Variants in DHRSX observed in about 807,000 individuals in gnomAD.
DHRSX encodes the protein polyprenol dehydrogenase.
Under a neutral mutation model 34.0 loss-of-function variants are expected in DHRSX, and 31 were observed. The ratio of observed to expected loss-of-function variants is 0.91; its 90% CI spans 0.69 to 1.23. DHRSX has a LOEUF of 1.23. Ranked by LOEUF, DHRSX falls within the 50% of genes most tolerant of loss-of-function variation. DHRSX has a pLI of 0.00. For missense variants in DHRSX, 414 were observed against 428.1 expected, an observed-to-expected ratio of 0.97 and a Z score of 0.29; for synonymous variants, 201 against 183.8, an observed-to-expected ratio of 1.09 and a Z score of -0.76.
At chrX:2,266,139 C>T (rs1183188742) in intron 5 of DHRSX, among the ~76,000 whole-genome samples, 2 of 146,608 alleles carry the variant, frequency 1.4e-5, no homozygotes, top group African/African-American at 5.1e-5. Flanking sequence ...ACAGGGAGCA[C>T]TGTACCCAGA....
At chrX:2,478,004 C>T (rs1255451752) in intron 1 of DHRSX, among the ~76,000 whole-genome samples, 64 of 152,220 alleles carry the variant, frequency 4.2e-4, no homozygotes, top group Admixed American at 4.1e-3. Flanking sequence ...CACTAGAAGT[C>T]TCTGATAGGA....
At chrX:2,477,306 C>T (rs189136202) in intron 1 of DHRSX, among the ~76,000 whole-genome samples, 2 of 152,130 alleles carry the variant, frequency 1.3e-5, no homozygotes, top group Non-Finnish European at 2.9e-5. Flanking sequence ...TGTTCACAGC[C>T]GTGATTAAGG....
intron 3 of DHRSX, among the ~76,000 whole-genome samples, chrX:2,310,249 A>G (rs2042146723): frequency 6.6e-6 from 1 of 152,152 alleles, no homozygotes; most frequent in Non-Finnish European, 1.5e-5. Context: ...GACGAAGCTC[A>G]TGATGGCTTC....
intron 3 of DHRSX, among the ~76,000 whole-genome samples, chrX:2,353,032 G>A (rs752975014): frequency 3.9e-5 from 6 of 152,176 alleles, no homozygotes; most frequent in South Asian, 4.2e-4. Flanking sequence ...GCTTGAGCTC[G>A]GGAGTTTGAG....
chrX:2,232,222 T>C (rs2015911492), intron 6 of DHRSX, among the ~76,000 whole-genome samples: 1 of 151,862 alleles, frequency 6.6e-6, no homozygotes, highest in African/African-American at 2.4e-5. Context: ...TAGACAACCT[T>C]CACACTACAC....
chrX:2,439,378 C>A (rs996891536), intron 1 of DHRSX, among the ~76,000 whole-genome samples: 2 of 151,998 alleles, frequency 1.3e-5, no homozygotes, highest in Non-Finnish European at 2.9e-5. Context: ...GTAAGAGTGA[C>A]AGCAAAGCAT....
intron 3 of DHRSX, among the ~76,000 whole-genome samples, chrX:2,355,511 TAAAAAAAAA>T (rs767512287): frequency 5.3e-5 from 4 of 75,310 alleles, no homozygotes; most frequent in Admixed American, 2.3e-4. Context: ...AGACCCCATC[TAAAAAAAAA>T]AAAAAAAAAA....
At chrX:2,416,250 T>A (rs2043691788) in intron 2 of DHRSX, among the ~76,000 whole-genome samples, 1 of 151,988 alleles carries the variant, frequency 6.6e-6, no homozygotes. Context: ...CTTACCCAAC[T>A]GGATCTCATC....
intron 3 of DHRSX, among the ~76,000 whole-genome samples, chrX:2,344,172 G>C (rs1311054910): frequency 6.6e-6 from 1 of 152,100 alleles, no homozygotes; most frequent in Non-Finnish European, 1.5e-5. Flanking sequence ...AGACAGAAAA[G>C]GTGAAAACTG....
At position 2,482,678 on chromosome X, in the gene DHRSX, C is replaced by T. The variant is rs137893288; in HGVS notation, c.109+18139G>A. On this transcript the variant is annotated intron_variant, in intron 1 of 6. Transcript: ENST00000334651. ...TTTAAAACCTAAACATAATTCTTAG[C>T]TTGTGGATACAGTTTTGGAAGCAAT... 5.3e-3 allele frequency among the ~76,000 whole-genome samples: 810 copies of T among 152,310 alleles called. 19 individuals are homozygous for T. Among genetic ancestry groups the T allele is most frequent in the East Asian group, 0.017 (88 of 5,188 alleles).
intron 3 of DHRSX, among the ~76,000 whole-genome samples, chrX:2,313,740 G>T (rs1467670496): frequency 6.6e-6 from 1 of 152,128 alleles, no homozygotes; most frequent in Non-Finnish European, 1.5e-5. Flanking sequence ...AGCGAAATAT[G>T]AGTGACCACG....
At chrX:2,368,060 T>G (rs192613191) in intron 3 of DHRSX, among the ~76,000 whole-genome samples, 1 of 151,940 alleles carries the variant, frequency 6.6e-6, no homozygotes. Flanking sequence ...CTGGCCAACA[T>G]GTCAAAACCC....
intron 3 of DHRSX, chrX:2,337,718 G>A (rs1373797044): frequency 1.3e-5 from 2 of 152,050 alleles, no homozygotes; most frequent in Non-Finnish European, 2.9e-5. Flanking sequence ...ACTCATCTGT[G>A]AGATTGTATA....
intron 3 of DHRSX, among the ~76,000 whole-genome samples, chrX:2,347,240 G>C (rs751154607): frequency 6.6e-6 from 1 of 152,254 alleles, no homozygotes; most frequent in South Asian, 2.1e-4. Flanking sequence ...CTCACATTGT[G>C]ACAGACAAGA....
At chrX:2,411,131 A>C (rs2043621969) in intron 2 of DHRSX, among the ~76,000 whole-genome samples, 1 of 152,174 alleles carries the variant, frequency 6.6e-6, no homozygotes, top group African/African-American at 2.4e-5. Flanking sequence ...TTCAAAGTCA[A>C]GGTAACCTTT....
intron 4 of DHRSX, among the ~76,000 whole-genome samples, chrX:2,283,670 A>T (rs1471770662): frequency 6.6e-6 from 1 of 152,116 alleles, no homozygotes. Flanking sequence ...TCCCCGAATG[A>T]ATCTTCCTTA....
intron 3 of DHRSX, among the ~76,000 whole-genome samples, chrX:2,331,442 T>TTG (rs1569490007): frequency 1.5e-5 from 1 of 68,596 alleles, no homozygotes; most frequent in Non-Finnish European, 2.9e-5. Flanking sequence ...TTTGGTTTTT[T>TTG]TTTTTTTTTT....
chrX:2,338,971 G>A (rs1277009361), intron 3 of DHRSX, among the ~76,000 whole-genome samples: 8 of 151,878 alleles, frequency 5.3e-5, no homozygotes, highest in South Asian at 2.1e-4. Flanking sequence ...AGAAACTTCC[G>A]GAAGCTGGTA....
chrX:2,264,964 G>A (rs963767147), intron 5 of DHRSX, among the ~76,000 whole-genome samples: 44 of 130,402 alleles, frequency 3.4e-4, no homozygotes, highest in African/African-American at 1.4e-3. Flanking sequence ...CGTAGCCAGA[G>A]CACCTGTGCC....
Sources: allele counts gnomAD v4.1 joint callset (sites outside exome capture counted in the v4.1 genomes callset), GRCh38; gene constraint gnomAD v4.1.1; transcripts MANE v1.5; gene names NCBI Gene and HGNC (gene_info 2026-07-23, HGNC 2026-07-21).